HRH1: variants seen among roughly 807,000 people sequenced by gnomAD.
HRH1 encodes the protein histamine H1 receptor.
HRH1 carries 6 observed loss-of-function variants against 10.3 expected under a neutral mutation model. That is an observed-to-expected ratio of 0.58 (90% CI 0.32 to 1.15). The LOEUF is 1.15. Among genes scored for constraint, HRH1 ranks in the 50% most tolerant of loss-of-function variants. The pLI is 0.05. For synonymous variants in HRH1, 242 were observed against 236.7 expected (o/e 1.02, Z -0.21); for missense variants, 514 against 615.3 (o/e 0.84, Z 1.74).
chr3:11,148,808 G>C, intron 1 of HRH1, among the ~76,000 whole-genome samples: 1 of 125,632 alleles, frequency 8.0e-6, no homozygotes, highest in South Asian at 2.5e-4. Context: ...ACAAACCACA[G>C]TCTTTTTTTT....
At chr3:11,145,652 T>C (rs1559250464) in intron 1 of HRH1, among the ~76,000 whole-genome samples, 1 of 152,230 alleles carries the variant, frequency 6.6e-6, no homozygotes, top group Non-Finnish European at 1.5e-5. Flanking sequence ...TAAAGTTCAA[T>C]GAATTTTTGC....
chr3:11,235,378 G>A (rs1939153031), intron 1 of HRH1, among the ~76,000 whole-genome samples: 1 of 104,794 alleles, frequency 9.5e-6, no homozygotes, highest in Admixed American at 8.6e-5. Flanking sequence ...GGAAGCCGGA[G>A]GACACACGGG....
At chr3:11,177,352 G>A (rs1003551567) in intron 1 of HRH1, among the ~76,000 whole-genome samples, 2 of 152,068 alleles carry the variant, frequency 1.3e-5, no homozygotes, top group Admixed American at 6.6e-5. Flanking sequence ...AGTGTCCAGC[G>A]CATAACCAGG....
chr3:11,209,110 T>C (rs146232511), intron 1 of HRH1, among the ~76,000 whole-genome samples: 143 of 152,326 alleles, frequency 9.4e-4, no homozygotes, highest in Middle Eastern at 3.4e-3. Flanking sequence ...ATGGTAATTT[T>C]TTTAAGAGTC....
At chr3:11,215,933 A>G (rs1471703408) in intron 1 of HRH1, among the ~76,000 whole-genome samples, 1 of 152,168 alleles carries the variant, frequency 6.6e-6, no homozygotes, top group East Asian at 1.9e-4. Context: ...CAAGTATTAG[A>G]GACATCTTTT....
At chr3:11,232,633 A>G (rs1393176328) in intron 1 of HRH1, among the ~76,000 whole-genome samples, 1 of 152,134 alleles carries the variant, frequency 6.6e-6, no homozygotes, top group African/African-American at 2.4e-5. Context: ...ACCTTTCCCT[A>G]TACATTTTAG....
At chr3:11,170,848 T>A (rs906218913) in intron 1 of HRH1, among the ~76,000 whole-genome samples, 2 of 152,078 alleles carry the variant, frequency 1.3e-5, no homozygotes, top group African/African-American at 4.8e-5. Context: ...CTGAGACGAG[T>A]ACAGTGGTCT....
At chr3:11,154,159 G>C (rs1279861978), upstream of HRH1, among the ~76,000 whole-genome samples, 1 of 152,166 alleles carries the variant, frequency 6.6e-6, no homozygotes, top group Non-Finnish European at 1.5e-5. The surrounding 1 kb of genome is among the most constrained non-coding windows in gnomAD (Gnocchi z 4.4). Context: ...GGGTGGAGTT[G>C]TCTCACCAAG....
chr3:11,195,308 C>A (rs1011499607), intron 1 of HRH1, among the ~76,000 whole-genome samples: 1 of 152,188 alleles, frequency 6.6e-6, no homozygotes, highest in Admixed American at 6.5e-5. Flanking sequence ...TCCTCTTAGA[C>A]CCTTGTAAAT....
chr3:11,209,712 G>A (rs1474602890), intron 1 of HRH1, among the ~76,000 whole-genome samples: 2 of 152,234 alleles, frequency 1.3e-5, no homozygotes, highest in African/African-American at 4.8e-5. Flanking sequence ...CTCGCTTGCA[G>A]GTGGCTGCCT....
chr3:11,226,335 C>A (rs347607), intron 1 of HRH1: 130,250 of 152,080 alleles, frequency 0.86, 56,177 homozygotes, highest in East Asian at 1. Flanking sequence ...GATACTCTTC[C>A]ATAAATCAGA....
At chr3:11,153,068 T>A (rs1936680554), upstream of HRH1, among the ~76,000 whole-genome samples, 1 of 152,112 alleles carries the variant, frequency 6.6e-6, no homozygotes, top group Non-Finnish European at 1.5e-5. Flanking sequence ...AATGGCATCA[T>A]GAAACTTTCC....
chr3:11,222,672 G>A (rs1938745269), intron 1 of HRH1, among the ~76,000 whole-genome samples: 3 of 152,000 alleles, frequency 2.0e-5, no homozygotes, highest in South Asian at 2.1e-4. Context: ...CGAGCTGTGC[G>A]TCAGGGCCCA....
intron 1 of HRH1, among the ~76,000 whole-genome samples, chr3:11,203,283 C>T (rs1221164299): frequency 2.0e-5 from 3 of 152,156 alleles, no homozygotes; most frequent in Admixed American, 1.3e-4. Flanking sequence ...AGTATAATTG[C>T]TGCATGGTAT....
intron 1 of HRH1, among the ~76,000 whole-genome samples, chr3:11,181,154 G>A (rs765612573): frequency 5.3e-5 from 8 of 152,076 alleles, no homozygotes; most frequent in Non-Finnish European, 1.2e-4. Flanking sequence ...CTAGTGGCAT[G>A]TGCCTGTAGT....
intron 1 of HRH1, among the ~76,000 whole-genome samples, chr3:11,245,710 A>G (rs999491992): frequency 2.6e-5 from 4 of 152,110 alleles, no homozygotes; most frequent in African/African-American, 9.7e-5. Flanking sequence ...TTAATTCAAA[A>G]ATGATGGTTT....
chr3:11,154,236 C>G (rs951731913), upstream of HRH1, among the ~76,000 whole-genome samples: 7 of 152,256 alleles, frequency 4.6e-5, no homozygotes, highest in South Asian at 8.3e-4. The surrounding 1 kb of genome is among the most constrained non-coding windows in gnomAD (Gnocchi z 4.4). Flanking sequence ...AGCCCGAGCC[C>G]GGGTACCCAG....
At chr3:11,234,367 A>T in intron 1 of HRH1, 1 of 1,599,926 alleles carries the variant, frequency 6.3e-7, no homozygotes. Flanking sequence ...CCTCTTGGGG[A>T]TAGAGGTCTG....
intron 1 of HRH1, among the ~76,000 whole-genome samples, chr3:11,141,183 G>C (rs1294366205): frequency 1.3e-5 from 2 of 152,158 alleles, no homozygotes; most frequent in Non-Finnish European, 2.9e-5. Flanking sequence ...GCAGGGAAGA[G>C]ACTTCACTCA....
Sources: allele counts gnomAD v4.1 joint callset (sites outside exome capture counted in the v4.1 genomes callset), GRCh38; gene constraint gnomAD v4.1.1; non-coding constraint Gnocchi (gnomAD v3.1); transcripts MANE v1.5; gene names NCBI Gene and HGNC (gene_info 2026-07-23, HGNC 2026-07-21).